Variants in SEPTIN6 observed in about 807,000 individuals in gnomAD.
The protein encoded by SEPTIN6 is septin-6.
A neutral mutation model predicts 33.6 loss-of-function variants in SEPTIN6; 8 were observed. The ratio of observed to expected loss-of-function variants is 0.24; its 90% CI spans 0.14 to 0.43. The LOEUF (loss-of-function observed/expected upper bound fraction) is 0.43, where lower values mean the gene tolerates loss of function less well. Among genes scored for constraint, SEPTIN6 ranks in the 20% least tolerant of loss-of-function variants. The pLI is 1.00. For missense variants in SEPTIN6, 250 were observed against 340.8 expected, an observed-to-expected ratio of 0.73 and a Z score of 2.10; for synonymous variants, 131 against 140.0, an observed-to-expected ratio of 0.94 and a Z score of 0.45.
At chrX:119,636,256 C>T (rs975082845) in intron 7 of SEPTIN6, among the ~76,000 whole-genome samples, 4 of 111,856 alleles carry the variant, frequency 3.6e-5, no homozygotes, top group African/African-American at 1.3e-4. Flanking sequence ...ATCTCCCTCA[C>T]TTGCTTATTA....
In SEPTIN6 at chrX:119,637,113, G is replaced by C. The variant is rs1453441542; in HGVS notation, c.870C>G (p.Thr290=). Residue 290 remains threonine (T), a synonymous_variant, in exon 7 of 11, where the codon ACC becomes ACG. Transcript: ENST00000394610. The part of the protein sequence containing the change: ...RVNMEDLREQ[T]HTRHYELYRR... ...GATACAGCTCATAGTGCCGGGTGTG[G>C]GTCTGCTCCCGCAGATCCTCCATGT... 8.3e-7 allele frequency: 1 copy of C among 1,211,245 alleles called. No homozygotes were observed. The highest frequency in any genetic ancestry group is 2.2e-5 in the Admixed American group (1 of 45,995).
chrX:119,654,059 A>AC (rs755772280), intron 3 of SEPTIN6, among the ~76,000 whole-genome samples: 15 of 110,788 alleles, frequency 1.4e-4, no homozygotes, highest in Non-Finnish European at 2.6e-4. Flanking sequence ...ACAGAGTGAG[A>AC]CCCCATCTCC....
At chrX:119,676,944 T>C (rs1382362652) in intron 1 of SEPTIN6, among the ~76,000 whole-genome samples, 1 of 111,955 alleles carries the variant, frequency 8.9e-6, no homozygotes, top group Non-Finnish European at 1.9e-5. Context: ...CTTCTTAAGT[T>C]TTCCCCATCC....
rs1241139729 is a variant in SEPTIN6 at position 119,661,583 on chromosome X, C to A, written c.341+1899G>T. On this transcript the variant is annotated intron_variant, in intron 3 of 10. Coordinates refer to ENST00000394610, the MANE Select transcript of SEPTIN6 (RefSeq NM_145799.4). ...AATCCTGAAAGAATGAGAAGACCCT[C>A]TGCTTAAAATGATGAATGGCCCTTT... Among the ~76,000 whole-genome samples the A allele has an allele frequency of 2.7e-5, 3 of 112,101 alleles. No homozygotes were observed. The East Asian group carries it at 8.3e-4, about 31-fold the overall frequency.
chrX:119,692,966 C>T, intron 1 of SEPTIN6, 110 bp downstream of exon 1: 1 of 822,915 alleles, frequency 1.2e-6, no homozygotes, highest in South Asian at 2.2e-5. Context: ...GTGCCCTTGG[C>T]TCCTGGATGC....
intron 10 of SEPTIN6, 40 bp from the exon 11 acceptor site, chrX:119,620,091 A>T: frequency 1.0e-6 from 1 of 985,643 alleles, no homozygotes; most frequent in African/African-American, 3.0e-5. Context: ...GAATGGATAG[A>T]TTAATGTACC....
chrX:119,681,625 C>T (rs2054962422), intron 1 of SEPTIN6, among the ~76,000 whole-genome samples: 1 of 111,542 alleles, frequency 9.0e-6, no homozygotes, highest in Non-Finnish European at 1.9e-5. Flanking sequence ...TTATGGTACA[C>T]GCATATTCTG....
At chrX:119,622,379 T>C (rs2053783014) in intron 10 of SEPTIN6, among the ~76,000 whole-genome samples, 1 of 111,811 alleles carries the variant, frequency 8.9e-6, no homozygotes, top group East Asian at 2.8e-4. Context: ...CTGCCTGCAT[T>C]CTAGGTGGCC....
In SEPTIN6 at chrX:119,653,256, A is replaced by G. The variant is rs1455380133; in HGVS notation, c.342-216T>C. ...TTATGCCCATCTGTGCACCTTCACTAGAATGCCCCTTTCTCTCTCCTCATC... is the reference window on the plus strand; with the variant it reads ...TTATGCCCATCTGTGCACCTTCACTGGAATGCCCCTTTCTCTCTCCTCATC... On this transcript the variant is annotated intron_variant, in intron 3 of 10. Transcript: ENST00000394610. Among the ~76,000 whole-genome samples, 5 of 111,200 alleles carry G rather than the reference A, an allele frequency of 4.5e-5. No homozygotes were observed. The Admixed American group carries it at 4.8e-4, about 11-fold the overall frequency.
intron 10 of SEPTIN6, among the ~76,000 whole-genome samples, chrX:119,620,579 A>G (rs1331215499): frequency 3.7e-5 from 4 of 109,128 alleles, no homozygotes; most frequent in African/African-American, 1.3e-4. Flanking sequence ...TTGGCCTCCC[A>G]AAGTGCTGGG....
At chrX:119,622,088 A>G (rs776131421) in intron 10 of SEPTIN6, among the ~76,000 whole-genome samples, 114 of 111,904 alleles carry the variant, frequency 1.0e-3, no homozygotes, top group Non-Finnish European at 2.0e-3. Context: ...TAAAAGCTAT[A>G]CAAATGCTCA....
intron 2 of SEPTIN6, among the ~76,000 whole-genome samples, chrX:119,673,440 G>A (rs2054781972): frequency 2.7e-5 from 3 of 111,133 alleles, no homozygotes; most frequent in East Asian, 2.8e-4. Flanking sequence ...ACAACTGCCC[G>A]TCATCTGTTG....
At chrX:119,639,588 A>G (rs1212816996) in intron 6 of SEPTIN6, among the ~76,000 whole-genome samples, 1 of 112,020 alleles carries the variant, frequency 8.9e-6, no homozygotes, top group Non-Finnish European at 1.9e-5. Flanking sequence ...GTTAAACATT[A>G]CCAGTACCTT....
chrX:119,686,310 G>A (rs769949124), intron 1 of SEPTIN6, among the ~76,000 whole-genome samples: 1 of 111,277 alleles, frequency 9.0e-6, no homozygotes, highest in Non-Finnish European at 1.9e-5. Flanking sequence ...AACCGAACAC[G>A]ACCTCACACC....
intron 2 of SEPTIN6, among the ~76,000 whole-genome samples, chrX:119,669,359 C>T (rs1331792969): frequency 1.8e-5 from 2 of 112,630 alleles, no homozygotes; most frequent in African/African-American, 6.4e-5. Flanking sequence ...TTCTTGTGGA[C>T]CTAAAGTCTC....
downstream of SEPTIN6, chrX:119,616,588 T>C: frequency 1.5e-6 from 1 of 667,472 alleles, no homozygotes. Flanking sequence ...TGAACACTTG[T>C]TGAGTGGTGT....
chrX:119,688,955 C>A (rs907374811), intron 1 of SEPTIN6, among the ~76,000 whole-genome samples: 3 of 110,783 alleles, frequency 2.7e-5, no homozygotes, highest in Admixed American at 1.9e-4. Context: ...GAAGCAGAGA[C>A]CTCAAAGGGA....
intron 1 of SEPTIN6, 29 bp downstream of exon 1, chrX:119,693,047 C>G: frequency 8.6e-7 from 1 of 1,167,332 alleles, no homozygotes; most frequent in South Asian, 1.9e-5. Context: ...CCCTCGGCCC[C>G]GGCCCTGGCA....
intron 8 of SEPTIN6, among the ~76,000 whole-genome samples, chrX:119,630,259 C>G (rs1378551628): frequency 8.9e-6 from 1 of 112,159 alleles, no homozygotes; most frequent in Non-Finnish European, 1.9e-5. Flanking sequence ...TATGAGGAAA[C>G]AGAAGGTCTG....
Sources: gnomAD v4.1 joint callset for allele counts (sites outside exome capture counted in the v4.1 genomes callset) on GRCh38, gnomAD v4.1.1 for gene constraint, MANE v1.5 for transcripts, NCBI Gene and HGNC (gene_info 2026-07-23, HGNC 2026-07-21) for gene names.